Variants in ZDHHC3 observed in about 807,000 individuals in gnomAD.
ZDHHC3 encodes the protein zDHHC palmitoyltransferase 3, also known as palmitoyltransferase ZDHHC3.
ZDHHC3 carries 9 observed loss-of-function variants against 30.6 expected under a neutral mutation model. The ratio of observed to expected loss-of-function variants is 0.29; its 90% CI spans 0.18 to 0.51. The LOEUF is 0.51. Ranked by LOEUF, ZDHHC3 falls within the 20% of genes least tolerant of loss-of-function variation. The pLI is 0.97. For synonymous variants in ZDHHC3, 136 were observed against 140.2 expected (o/e 0.97, Z 0.21); for missense variants, 246 against 384.2 (o/e 0.64, Z 3.01).
At chr3:44,930,018 T>A (rs114656485) in intron 5 of ZDHHC3, among the ~76,000 whole-genome samples, 1 of 152,180 alleles carries the variant, frequency 6.6e-6, no homozygotes, top group African/African-American at 2.4e-5. Flanking sequence ...GGTAATGCAC[T>A]GCCCCCGCTC....
chr3:44,940,026 G>C (rs1272555026), intron 3 of ZDHHC3, among the ~76,000 whole-genome samples: 2 of 152,210 alleles, frequency 1.3e-5, no homozygotes, highest in African/African-American at 4.8e-5. Flanking sequence ...GAGGCCAGAA[G>C]GGTGCTGGGG....
Position 44,920,072 on chromosome 3 carries a change from T to C in ZDHHC3, c.*6617A>G, listed in dbSNP as rs564731041. 1,072 of 1,184,896 alleles carry C rather than the reference T, an allele frequency of 9.0e-4. 1 individual carries two copies. The highest frequency in any genetic ancestry group is 1.1e-3 in the Non-Finnish European group (1,009 of 936,008). The allele number at this position is 1,184,896 out of a possible 1,614,324, so 73.4% of individuals were successfully genotyped here. On this transcript the variant is annotated 3_prime_UTR_variant, in exon 7 of 7. Transcript: ENST00000424952. Reference sequence around the variant, plus strand: ...GGATGGAATTCTAGAGGATTTGTATTTATTTCTGTAGACTTCTCACACAAT... The same window carrying C: ...GGATGGAATTCTAGAGGATTTGTATCTATTTCTGTAGACTTCTCACACAAT...
At chr3:44,945,036 G>T in intron 3 of ZDHHC3, 132 bp downstream of exon 3, 1 of 1,314,050 alleles carries the variant, frequency 7.6e-7, no homozygotes, top group Non-Finnish European at 1.1e-6. Flanking sequence ...CAGAGCAGGG[G>T]ACATTTGGAA....
intron 4 of ZDHHC3, 181 bp from the exon 5 acceptor site, chr3:44,933,380 G>C: frequency 1.6e-6 from 1 of 621,320 alleles, no homozygotes. Context: ...ACCAGCCCTG[G>C]GTCAAGTGAG....
At position 44,959,741 on chromosome 3, in the gene ZDHHC3, A is replaced by T. The variant is rs1704303863; in HGVS notation, c.-24-281T>A. Among the ~76,000 whole-genome samples the T allele has an allele frequency of 6.6e-6, 1 of 152,148 alleles. No homozygotes were observed. On this transcript the variant is annotated intron_variant, in intron 1 of 6. Coordinates refer to ENST00000424952, the MANE Select transcript of ZDHHC3 (RefSeq NM_001135179.2). This position sits in a 1 kb window ranked among gnomAD's most constrained non-coding sequence, Gnocchi z 4.3. ...CAGCCAGAGCAGAAGCAGGTGACACAGCCTGCCAATTTGTTTTTTTCTTTT... is the reference window on the plus strand; with the variant it reads ...CAGCCAGAGCAGAAGCAGGTGACACTGCCTGCCAATTTGTTTTTTTCTTTT...
chr3:44,964,188 T>C (rs962173508), intron 1 of ZDHHC3, among the ~76,000 whole-genome samples: 4 of 152,050 alleles, frequency 2.6e-5, no homozygotes, highest in Non-Finnish European at 5.9e-5. Context: ...GACTAATGAA[T>C]AGCACAAAAA....
chr3:44,941,210 G>A (rs183452069), intron 3 of ZDHHC3, among the ~76,000 whole-genome samples: 4 of 152,228 alleles, frequency 2.6e-5, no homozygotes, highest in African/African-American at 4.8e-5. Flanking sequence ...GAGCCATGGC[G>A]TCACACACAG....
At chr3:44,933,348 T>C in intron 4 of ZDHHC3, 149 bp from the exon 5 acceptor site, 1 of 687,758 alleles carries the variant, frequency 1.5e-6, no homozygotes. Context: ...CAGCTAGCGA[T>C]TCCCTACAGA....
At chr3:44,936,878 C>A (rs997463271) in intron 3 of ZDHHC3, among the ~76,000 whole-genome samples, 5 of 147,946 alleles carry the variant, frequency 3.4e-5, no homozygotes, top group East Asian at 4.0e-4. Flanking sequence ...AGTTAAAACC[C>A]CCCCCCAAAA....
At chr3:44,943,545 G>A (rs1414382590) in intron 3 of ZDHHC3, among the ~76,000 whole-genome samples, 4 of 152,230 alleles carry the variant, frequency 2.6e-5, no homozygotes, top group African/African-American at 7.2e-5. Context: ...AGAAATCGCC[G>A]TTCAGATCTC....
In ZDHHC3 at chr3:44,976,027, G is replaced by A. The variant is rs1306059424; in HGVS notation, c.-119C>T. ...CCCTGCAGTCCCCAACCCGGGACCC[G>A]GCCTCGGGCTTCGGCGATGGCTCCT... On this transcript the variant is annotated 5_prime_UTR_variant, in exon 1 of 7. Transcript: ENST00000424952. 5 of 392,704 alleles carry A rather than the reference G, an allele frequency of 1.3e-5. No homozygotes were observed. The highest frequency in any genetic ancestry group is 2.3e-5 in the Non-Finnish European group (5 of 222,062). 24.3% of individuals were successfully genotyped at this position (392,704 alleles called of 1,614,324 possible).
intron 3 of ZDHHC3, 132 bp downstream of exon 3, chr3:44,945,036 G>A: frequency 7.6e-7 from 1 of 1,314,058 alleles, no homozygotes; most frequent in Non-Finnish European, 1.1e-6. Flanking sequence ...CAGAGCAGGG[G>A]ACATTTGGAA....
At chr3:44,956,098 C>T (rs1703931962) in intron 2 of ZDHHC3, among the ~76,000 whole-genome samples, 1 of 152,230 alleles carries the variant, frequency 6.6e-6, no homozygotes, top group Non-Finnish European at 1.5e-5. Context: ...ACTGCAAGGG[C>T]CAGCTGGCCA....
chr3:44,934,156 C>T (rs923988562), intron 3 of ZDHHC3, among the ~76,000 whole-genome samples, 172 bp from the exon 4 acceptor site: 2 of 152,072 alleles, frequency 1.3e-5, no homozygotes, highest in East Asian at 3.9e-4. Context: ...AGGGTCAGGA[C>T]CCCAGGGGTG....
At chr3:44,934,007 C>G in intron 3 of ZDHHC3, 23 bp from the exon 4 acceptor site, 1 of 1,612,540 alleles carries the variant, frequency 6.2e-7, no homozygotes, top group Non-Finnish European at 8.5e-7. Context: ...ACAGGTCAGA[C>G]CTTTAGGGCA....
Position 44,924,867 on chromosome 3 carries a change from C to T in ZDHHC3, c.*1822G>A, listed in dbSNP as rs1480551250. ...TTTTAATCTTAGCATCTCAGCCTCG[C>T]CCGTATCGCATGAATAGCACCGTAG... is the stretch of plus-strand genomic sequence containing the variant. On this transcript the variant is annotated 3_prime_UTR_variant, in exon 7 of 7. Coordinates refer to ENST00000424952, the MANE Select transcript of ZDHHC3 (RefSeq NM_001135179.2). 1.0e-6 allele frequency: 1 copy of T among 985,414 alleles called. No individual in the cohort carries two copies. The highest frequency in any genetic ancestry group is 1.2e-6 in the Non-Finnish European group (1 of 829,948). 61.0% of individuals were successfully genotyped at this position (985,414 alleles called of 1,614,324 possible). A position where few individuals can be genotyped will look rare whatever the true frequency, so the allele number is the denominator to read the frequency against.
In ZDHHC3 at chr3:44,945,145, G is replaced by T. The variant is rs11925834; in HGVS notation, c.431+23C>A. 1,674 of 1,613,322 alleles carry T rather than the reference G, an allele frequency of 1.0e-3. 17 individuals carry two copies. In the African/African-American group the frequency reaches 0.02, roughly 20 times the overall value. ...GAGGCAGGACAGTGGGAGAAGAGAG[G>T]AGGCGAGCCCCAGTGAGTGTACCTG... On this transcript the variant is annotated intron_variant, in intron 3 of 6. Coordinates refer to ENST00000424952, the MANE Select transcript of ZDHHC3 (RefSeq NM_001135179.2).
chr3:44,964,282 T>C (rs1484220863), intron 1 of ZDHHC3, among the ~76,000 whole-genome samples: 1 of 152,186 alleles, frequency 6.6e-6, no homozygotes, highest in Admixed American at 6.5e-5. Flanking sequence ...GACTTTTTCA[T>C]GGCAAGGACT....
Position 44,929,431 on chromosome 3 carries a change from T to G in ZDHHC3, c.616A>C (p.Ser206Arg). 1 of 1,613,936 alleles carries G rather than the reference T, an allele frequency of 6.2e-7. No homozygotes were observed. ...HCFEEDWTKC[S>R]SFSPPTTVIL... is the part of the protein sequence containing the mutation. ...ACTGTGGTGGGTGGAGAGAAGGAGCTGCACTCTGAAAGAGAAGCAGCACAC... is the reference window on the plus strand; with the variant it reads ...ACTGTGGTGGGTGGAGAGAAGGAGCGGCACTCTGAAAGAGAAGCAGCACAC... Residue 206 changes from serine to arginine, a missense_variant, in exon 6 of 7, where the codon AGC becomes CGC. Physicochemically the swap from Ser to Arg is moderately radical, Grantham distance 110 (BLOSUM62 -1). Transcript: ENST00000424952.
Sources: gnomAD v4.1 joint callset for allele counts (sites outside exome capture counted in the v4.1 genomes callset) on GRCh38, gnomAD v4.1.1 for gene constraint, Gnocchi (gnomAD v3.1) non-coding constraint, MANE v1.5 for transcripts, NCBI Gene and HGNC (gene_info 2026-07-23, HGNC 2026-07-21) for gene names.